Variants in MED12L observed in about 807,000 individuals in gnomAD.
The protein encoded by MED12L is mediator complex subunit 12L, also known as mediator of RNA polymerase II transcription subunit 12-like protein.
MED12L carries 60 observed loss-of-function variants against 281.3 expected under a neutral mutation model. The ratio of observed to expected loss-of-function variants is 0.21; its 90% CI spans 0.17 to 0.26. The LOEUF is 0.26. MED12L is among the 10% of genes least tolerant of loss of function. The pLI, the probability that MED12L is intolerant of heterozygous loss-of-function variation, is 1.00. For missense variants in MED12L, 2,146 were observed against 2,680.9 expected (o/e 0.80, Z 4.41); for synonymous variants, 974 against 987.2 (o/e 0.99, Z 0.25).
intron 31 of MED12L, among the ~76,000 whole-genome samples, chr3:151,378,793 TA>T (rs895352283): frequency 5.9e-5 from 9 of 152,174 alleles, no homozygotes; most frequent in African/African-American, 1.9e-4. Context: ...TTTCTTCCAT[TA>T]AAAAAATATT....
At chr3:151,348,511 T>G (rs1172423515) in intron 16 of MED12L, among the ~76,000 whole-genome samples, 1 of 151,972 alleles carries the variant, frequency 6.6e-6, no homozygotes, top group Non-Finnish European at 1.5e-5. Context: ...TTTTGAAAAT[T>G]TGGGAGAGGT....
At chr3:151,338,243 A>G in intron 16 of MED12L, 1 of 1,614,122 alleles carries the variant, frequency 6.2e-7, no homozygotes, top group Non-Finnish European at 8.5e-7. Context: ...CAATTAAGAA[A>G]TTAATCCAGA....
At chr3:151,130,572 G>A (rs2148815247) in intron 5 of MED12L, among the ~76,000 whole-genome samples, 1 of 152,262 alleles carries the variant, frequency 6.6e-6, no homozygotes, top group South Asian at 2.1e-4. Flanking sequence ...CAGAATTCTT[G>A]CATGGCCCCT....
At chr3:151,161,638 G>T (rs911974104) in intron 8 of MED12L, among the ~76,000 whole-genome samples, 1 of 152,178 alleles carries the variant, frequency 6.6e-6, no homozygotes. Flanking sequence ...AAGTTGCAAC[G>T]TATGTTATTA....
chr3:151,097,699 A>G (rs1720898316), intron 2 of MED12L, among the ~76,000 whole-genome samples: 1 of 152,142 alleles, frequency 6.6e-6, no homozygotes, highest in Admixed American at 6.5e-5. Context: ...GGTTGCCACA[A>G]CTGGGTGTGT....
chr3:151,385,214 A>C (rs966478138), intron 36 of MED12L, 23 bp downstream of exon 36: 6 of 1,117,862 alleles, frequency 5.4e-6, no homozygotes, highest in Non-Finnish European at 7.8e-6. Context: ...GTTTTTTCTT[A>C]TATATAAATT....
chr3:151,414,403 C>T (rs1297877386), intron 42 of MED12L, among the ~76,000 whole-genome samples: 2 of 152,200 alleles, frequency 1.3e-5, no homozygotes, highest in African/African-American at 4.8e-5. Flanking sequence ...AAGGGCTGTA[C>T]TCTCAACTCG....
rs746554448 is a variant in MED12L, at chr3:151,378,179, G to A, written c.4478+6G>A. 1.3e-6 allele frequency: 2 copies of A among 1,596,096 alleles called. No homozygotes were observed. The highest frequency in any genetic ancestry group is 1.1e-5 in the South Asian group (1 of 88,998). On this transcript the variant is annotated splice_donor_region_variant and intron_variant, in intron 31 of 44. Coordinates refer to ENST00000687756, the MANE Select transcript of MED12L (RefSeq NM_001393769.1). ...GACAGACAGAAACAGAAAAGGTGTG[G>A]CTGGAAGATGGGCGTCTGTGTGAGA...
intron 16 of MED12L, chr3:151,203,025 A>T (rs915166053): frequency 1.3e-5 from 2 of 152,174 alleles, no homozygotes; most frequent in Admixed American, 1.3e-4. Context: ...TCTACTTATA[A>T]GCCTTAAATA....
At chr3:151,119,064 C>T (rs550417190) in intron 3 of MED12L, among the ~76,000 whole-genome samples, 7 of 152,234 alleles carry the variant, frequency 4.6e-5, no homozygotes, top group Admixed American at 1.3e-4. Context: ...TTCCTTATGG[C>T]TAAAGTAGTC....
chr3:151,142,847 A>C (rs766971104), intron 5 of MED12L, among the ~76,000 whole-genome samples: 4 of 151,938 alleles, frequency 2.6e-5, no homozygotes, highest in Non-Finnish European at 5.9e-5. Context: ...AAAGAAGTAC[A>C]TTAGGTTTCA....
chr3:151,269,960 A>G (rs1740566853), intron 16 of MED12L: 2 of 388,368 alleles, frequency 5.1e-6, no homozygotes, highest in South Asian at 4.1e-5. Flanking sequence ...TACTTGGACA[A>G]ATCCATTACA....
chr3:151,258,063 C>A (rs1242812560), intron 16 of MED12L, among the ~76,000 whole-genome samples: 1 of 152,186 alleles, frequency 6.6e-6, no homozygotes, highest in African/African-American at 2.4e-5. Flanking sequence ...AAGGTGCAAG[C>A]CCAGTATCTA....
chr3:151,299,542 G>A (rs927991333), intron 16 of MED12L, among the ~76,000 whole-genome samples: 2 of 150,036 alleles, frequency 1.3e-5, no homozygotes, highest in African/African-American at 2.5e-5. Context: ...ACAGTGGTGC[G>A]ATCTCAGCTC....
chr3:151,183,958 A>G (rs935693302), intron 11 of MED12L, among the ~76,000 whole-genome samples: 1 of 152,126 alleles, frequency 6.6e-6, no homozygotes, highest in Admixed American at 6.5e-5. Context: ...CCTTCACTGG[A>G]TTGACTTTTA....
At chr3:151,427,128 T>G (rs990955668) in intron 43 of MED12L, among the ~76,000 whole-genome samples, 4 of 152,180 alleles carry the variant, frequency 2.6e-5, no homozygotes, top group African/African-American at 9.7e-5. Context: ...CTGGTTTACA[T>G]TTTTGAAAAT....
At chr3:151,186,378 A>G (rs1723281283) in intron 12 of MED12L, among the ~76,000 whole-genome samples, 1 of 152,046 alleles carries the variant, frequency 6.6e-6, no homozygotes, top group African/African-American at 2.4e-5. Context: ...AATAGATCGC[A>G]TTGTCTCCTT....
intron 16 of MED12L, among the ~76,000 whole-genome samples, chr3:151,313,414 C>T (rs1747808993): frequency 6.6e-6 from 1 of 152,052 alleles, no homozygotes; most frequent in South Asian, 2.1e-4. Context: ...ACAGCAAATA[C>T]AGCGTGGTTG....
At chr3:151,110,605 T>TACAAAAC (rs1711714497) in intron 2 of MED12L, among the ~76,000 whole-genome samples, 1 of 152,230 alleles carries the variant, frequency 6.6e-6, no homozygotes, top group Non-Finnish European at 1.5e-5. Flanking sequence ...TTTCACTTAG[T>TACAAAAC]TTCTCTAGGT....
Sources: allele counts gnomAD v4.1 joint callset (sites outside exome capture counted in the v4.1 genomes callset), GRCh38; gene constraint gnomAD v4.1.1; transcripts MANE v1.5; gene names NCBI Gene and HGNC (gene_info 2026-07-23, HGNC 2026-07-21).